CDH8: variants seen among roughly 807,000 people sequenced by gnomAD.
The protein encoded by CDH8 is cadherin 8, also known as cadherin-8.
In CDH8, 17 loss-of-function variants were observed where a neutral mutation model predicts 68.1. The ratio of observed to expected loss-of-function variants is 0.25; its 90% CI spans 0.17 to 0.37. CDH8 has a LOEUF of 0.37. Ranked by LOEUF, CDH8 falls within the 10% of genes least tolerant of loss-of-function variation. The pLI, the probability that CDH8 is intolerant of heterozygous loss-of-function variation, is 1.00. For synonymous variants in CDH8, 372 were observed against 365.1 expected (o/e 1.02, Z -0.21); for missense variants, 763 against 999.3 (o/e 0.76, Z 3.19).
chr16:61,723,983 G>C (rs1334410791), intron 9 of CDH8, among the ~76,000 whole-genome samples: 1 of 148,492 alleles, frequency 6.7e-6, no homozygotes, highest in Non-Finnish European at 1.5e-5. Context: ...GAAACTATCA[G>C]ATTTTTTTTT....
intron 8 of CDH8, among the ~76,000 whole-genome samples, chr16:61,759,622 C>A (rs1005715554): frequency 6.6e-6 from 1 of 152,106 alleles, no homozygotes; most frequent in Non-Finnish European, 1.5e-5. Flanking sequence ...ATATGACTTC[C>A]ACTTTCTCTG....
chr16:61,858,745 T>A lies in CDH8; in HGVS notation c.548-1507A>T, dbSNP rs117301580. Among the ~76,000 whole-genome samples, 1,181 of 152,242 alleles carry A rather than the reference T, an allele frequency of 7.8e-3. 10 individuals carry two copies. Among genetic ancestry groups the A allele is most frequent in the Non-Finnish European group, 0.012 (819 of 68,012 alleles). On this transcript the variant is annotated intron_variant, in intron 3 of 11. Transcript: ENST00000577390. ...ACAACGAAAGCCTCATTGGACTCCATAGGGCTCTAGAGATGGCATGCCCGT... is the reference window on the plus strand; with the variant it reads ...ACAACGAAAGCCTCATTGGACTCCAAAGGGCTCTAGAGATGGCATGCCCGT...
In CDH8 at chr16:61,649,767, G is replaced by C. The variant is rs1161391390; in HGVS notation, c.*3841C>G. ...GCCTACTTGCCTTCAGTCCTTATGT[G>C]GCTATAAAGAGTAATTGGCTACTTA... On this transcript the variant is annotated 3_prime_UTR_variant, in exon 12 of 12. Transcript: ENST00000577390. The C allele has an allele frequency of 6.6e-6, 1 of 152,040 alleles. No individual in the cohort carries two copies. Among genetic ancestry groups the C allele is most frequent in the Non-Finnish European group, 1.5e-5 (1 of 68,008 alleles). 9.4% of individuals were successfully genotyped at this position (152,040 alleles called of 1,614,324 possible).
chr16:61,752,183 T>A (rs1024589201), intron 8 of CDH8, among the ~76,000 whole-genome samples: 1 of 152,116 alleles, frequency 6.6e-6, no homozygotes, highest in Non-Finnish European at 1.5e-5. Flanking sequence ...ATCAGGGTAG[T>A]CTTATTTCAG....
At chr16:61,663,971 C>A (rs957829060) in intron 10 of CDH8, among the ~76,000 whole-genome samples, 1 of 151,988 alleles carries the variant, frequency 6.6e-6, no homozygotes, top group Non-Finnish European at 1.5e-5. Flanking sequence ...TGAGTTTCTT[C>A]CCCCAAGGTC....
chr16:61,901,448 C>T lies in CDH8; in HGVS notation c.278G>A (p.Ser93Asn), dbSNP rs1963971026. 3 of 1,613,442 alleles carry T rather than the reference C, an allele frequency of 1.9e-6. No individual in the cohort carries two copies. Among genetic ancestry groups the T allele is most frequent in the Non-Finnish European group, 2.5e-6 (3 of 1,179,560 alleles). The change falls in exon 3 of 12, where the codon AGC becomes AAC. Residue 93 changes from serine (S) to asparagine (N), a missense_variant. Physicochemically the swap from Ser to Asn is conservative, Grantham distance 46. Coordinates refer to ENST00000577390, the MANE Select transcript of CDH8 (RefSeq NM_001796.5). ...GRLHTDLDPG[S>N]KKIKYILSGD... is the part of the protein sequence containing the mutation. ...TGATAGGATATACTTGATTTTTTTG[C>T]TCCCAGGATCCAGGTCTGTGTGTAG...
At chr16:61,888,079 G>A (rs1963708769) in intron 3 of CDH8, among the ~76,000 whole-genome samples, 1 of 152,162 alleles carries the variant, frequency 6.6e-6, no homozygotes, top group Admixed American at 6.5e-5. Flanking sequence ...AAGACATCAG[G>A]CACTGGGCTC....
At chr16:61,821,713 C>A (rs1962218916) in intron 5 of CDH8, among the ~76,000 whole-genome samples, 1 of 152,026 alleles carries the variant, frequency 6.6e-6, no homozygotes, top group African/African-American at 2.4e-5. Context: ...CTGCCTTCAA[C>A]ACTTCCTAGG....
intron 8 of CDH8, among the ~76,000 whole-genome samples, chr16:61,762,046 T>C (rs1273254114): frequency 6.6e-6 from 1 of 151,882 alleles, no homozygotes; most frequent in Non-Finnish European, 1.5e-5. Context: ...AAATTGAAAA[T>C]AGATTAGTGG....
intron 8 of CDH8, among the ~76,000 whole-genome samples, chr16:61,781,384 G>A (rs1961050123): frequency 6.6e-6 from 1 of 152,066 alleles, no homozygotes; most frequent in Non-Finnish European, 1.5e-5. Context: ...GTGGAGGTGA[G>A]GAGTTAAAGA....
intron 4 of CDH8, among the ~76,000 whole-genome samples, chr16:61,836,333 CCT>C (rs1962568272): frequency 6.6e-6 from 1 of 151,948 alleles, no homozygotes; most frequent in Non-Finnish European, 1.5e-5. Flanking sequence ...ATTTTCTTAA[CCT>C]CTCTGAGTCC....
intron 2 of CDH8, among the ~76,000 whole-genome samples, chr16:61,969,800 T>C (rs1279159328): frequency 6.6e-6 from 1 of 152,132 alleles, no homozygotes; most frequent in Non-Finnish European, 1.5e-5. Context: ...TATGAGAGCA[T>C]CAATCAAGCA....
At chr16:61,996,112 A>C (rs1301462144) in intron 2 of CDH8, among the ~76,000 whole-genome samples, 1 of 152,218 alleles carries the variant, frequency 6.6e-6, no homozygotes, top group Non-Finnish European at 1.5e-5. Context: ...ATCAAAACTC[A>C]AGGCCAGTGG....
rs956401584 is a variant in CDH8, at chr16:61,649,263, C to T, written c.*4345G>A. ...CAAATAAAAAGCTGCTTTTAAAACC[C>T]TTTACCCTCAATTCAACTTCTTTCA... On this transcript the variant is annotated 3_prime_UTR_variant, in exon 12 of 12. Coordinates refer to ENST00000577390, the MANE Select transcript of CDH8 (RefSeq NM_001796.5). The T allele has an allele frequency of 6.6e-6, 1 of 151,806 alleles. No individual in the cohort carries two copies. Among genetic ancestry groups the T allele is most frequent in the Non-Finnish European group, 1.5e-5 (1 of 67,928 alleles). 9.4% of individuals were successfully genotyped at this position (151,806 alleles called of 1,614,324 possible).
At chr16:61,869,024 C>T (rs184566916) in intron 3 of CDH8, among the ~76,000 whole-genome samples, 10 of 152,166 alleles carry the variant, frequency 6.6e-5, no homozygotes, top group Admixed American at 2.6e-4. Context: ...ATGAATCTGA[C>T]GCAGACCATA....
At chr16:61,973,941 G>A (rs11075448) in intron 2 of CDH8, among the ~76,000 whole-genome samples, 3,042 of 152,196 alleles carry the variant, frequency 0.02, 105 homozygotes, top group African/African-American at 0.069. Context: ...GGTTTGCGTT[G>A]TCAGACTCAT....
At chr16:61,897,292 T>C (rs1963884613) in intron 3 of CDH8, among the ~76,000 whole-genome samples, 2 of 151,816 alleles carry the variant, frequency 1.3e-5, no homozygotes, top group African/African-American at 4.8e-5. Flanking sequence ...TCGCACTGTC[T>C]CCCAGGCTGG....
intron 2 of CDH8, among the ~76,000 whole-genome samples, chr16:61,968,442 T>C (rs1337840566): frequency 1.3e-5 from 2 of 152,156 alleles, no homozygotes; most frequent in Admixed American, 6.5e-5. Context: ...AAGGGCACAA[T>C]GGTGAGTCAA....
chr16:61,987,673 T>C (rs1965651209), intron 2 of CDH8, among the ~76,000 whole-genome samples: 1 of 152,056 alleles, frequency 6.6e-6, no homozygotes, highest in Admixed American at 6.6e-5. Context: ...CATACTTCTC[T>C]CATGACAATA....
Sources: allele counts gnomAD v4.1 joint callset (sites outside exome capture counted in the v4.1 genomes callset), GRCh38; gene constraint gnomAD v4.1.1; transcripts MANE v1.5; gene names NCBI Gene and HGNC (gene_info 2026-07-23, HGNC 2026-07-21).